Variants in NOX3 observed in about 807,000 individuals in gnomAD.
NOX3 encodes NADPH oxidase 3.
Under a neutral mutation model 76.7 loss-of-function variants are expected in NOX3, and 74 were observed. That is an observed-to-expected ratio of 0.96 (90% CI 0.80 to 1.17). The LOEUF is 1.17. Ranked by LOEUF, NOX3 falls within the 50% of genes most tolerant of loss-of-function variation. The pLI is 0.00. For missense variants in NOX3, 695 were observed against 703.3 expected (o/e 0.99, Z 0.13); for synonymous variants, 263 against 261.1 (o/e 1.01, Z -0.07).
intron 9 of NOX3, among the ~76,000 whole-genome samples, chr6:155,427,660 G>A (rs959299885): frequency 2.0e-5 from 3 of 152,162 alleles, no homozygotes; most frequent in African/African-American, 7.2e-5. Flanking sequence ...GGCAGAAGTA[G>A]GAATCTCTTG....
Position 155,428,964 on chromosome 6 carries a change from C to T in NOX3, c.975G>A (p.Val325=). ...FKMAPGQYIL[V]QCPAISSLEW... ...CCAGCGAAGATATGGCTGGGCACTG[C>T]ACCAAGATGTACTGCCCTGGCGCCA... Residue 325 remains valine (V), a synonymous_variant, in exon 9 of 14, where the codon GTG becomes GTA. Coordinates refer to ENST00000159060, the MANE Select transcript of NOX3 (RefSeq NM_015718.3). 6.2e-7 allele frequency: 1 copy of T among 1,614,052 alleles called. No individual in the cohort carries two copies. The highest frequency in any genetic ancestry group is 8.5e-7 in the Non-Finnish European group (1 of 1,179,952).
At chr6:155,428,058 AC>A (rs1776780107) in intron 9 of NOX3, among the ~76,000 whole-genome samples, 1 of 151,978 alleles carries the variant, frequency 6.6e-6, no homozygotes, top group African/African-American at 2.4e-5. Flanking sequence ...GTGCCACCAC[AC>A]CCGGCTAATT....
intron 12 of NOX3, among the ~76,000 whole-genome samples, chr6:155,402,063 T>C (rs967413271): frequency 3.9e-5 from 6 of 152,228 alleles, no homozygotes; most frequent in African/African-American, 1.4e-4. Context: ...ACGGTATTTT[T>C]ATTTTCATTC....
Position 155,453,434 on chromosome 6 carries a change from GT to G in NOX3, c.309del (p.Lys103AsnfsTer7). On this transcript the variant is annotated frameshift_variant, in exon 4 of 14. Coordinates refer to ENST00000159060, the MANE Select transcript of NOX3 (RefSeq NM_015718.3). LOFTEE classifies it high-confidence loss of function. ...TTAACAGCTATCCCATAGGCGACCA[GT>G]TTGTGAAATCTGAGGTTTTTGTCTA... ...RQLDKNLRFH[K>X]LVAYGIAVNA... 1 of 1,613,846 alleles carries G rather than the reference GT, an allele frequency of 6.2e-7. No homozygotes were observed. Among genetic ancestry groups the G allele is most frequent in the Non-Finnish European group, 8.5e-7 (1 of 1,179,732 alleles).
chr6:155,439,304 GA>G (rs1322556198), intron 6 of NOX3, among the ~76,000 whole-genome samples: 1 of 152,166 alleles, frequency 6.6e-6, no homozygotes, highest in Non-Finnish European at 1.5e-5. Flanking sequence ...TTAAAGGATT[GA>G]AAAGCATTAT....
At chr6:155,434,184 T>G (rs1776871904) in intron 7 of NOX3, among the ~76,000 whole-genome samples, 1 of 152,218 alleles carries the variant, frequency 6.6e-6, no homozygotes, top group African/African-American at 2.4e-5. Flanking sequence ...AGCAATGCAC[T>G]TAGGCACTCG....
intron 3 of NOX3, 82 bp downstream of exon 3, chr6:155,454,729 T>C (rs1312039104): frequency 1.2e-6 from 1 of 810,954 alleles, no homozygotes; most frequent in Admixed American, 3.2e-5. Flanking sequence ...GAGAATTTCA[T>C]AATAAAGTAC....
At chr6:155,428,655 C>A (rs1776790044) in intron 9 of NOX3, 139 bp downstream of exon 9, 11 of 591,532 alleles carry the variant, frequency 1.9e-5, no homozygotes, top group Non-Finnish European at 2.5e-5. Flanking sequence ...ATACTTTTTA[C>A]ACACATTCTC....
At chr6:155,422,149 A>G (rs976076110) in intron 10 of NOX3, among the ~76,000 whole-genome samples, 5 of 152,118 alleles carry the variant, frequency 3.3e-5, no homozygotes, top group South Asian at 2.1e-4. Context: ...TATCGGATGG[A>G]GTGTCTAGAT....
In NOX3 at chr6:155,407,134, G is replaced by T; in HGVS notation, c.1576C>A (p.Pro526Thr). 6.2e-7 allele frequency: 1 copy of T among 1,613,960 alleles called. No individual in the cohort carries two copies. The highest frequency in any genetic ancestry group is 8.5e-7 in the Non-Finnish European group (1 of 1,179,938). The change falls in exon 12 of 14, where the codon CCC becomes ACC. Residue 526 changes from proline (P) to threonine (T), a missense_variant. By Grantham distance (38) the Pro-to-Thr change is conservative. Coordinates refer to ENST00000159060, the MANE Select transcript of NOX3 (RefSeq NM_015718.3). ...NEFKQIAYNHPSSSIGVFFCG... is the reference protein window; with the variant it reads ...NEFKQIAYNHTSSSIGVFFCG... ...AGGAGCAAGAGCTTGCCTTACCTGG[G>T]GTGATTGTAGGCAATCTGCTTGAAC...
chr6:155,423,702 G>C (rs112971326), intron 9 of NOX3, among the ~76,000 whole-genome samples: 2,569 of 151,054 alleles, frequency 0.017, 74 homozygotes, highest in African/African-American at 0.052. Context: ...TTTTCCCTTG[G>C]AATAATCTTC....
intron 10 of NOX3, among the ~76,000 whole-genome samples, chr6:155,412,321 C>T (rs1020104737): frequency 4.6e-5 from 7 of 151,964 alleles, no homozygotes; most frequent in South Asian, 4.2e-4. Flanking sequence ...TGTAAGCTCA[C>T]GATCATATAA....
At chr6:155,417,355 G>A (rs886099867) in intron 10 of NOX3, among the ~76,000 whole-genome samples, 7 of 152,192 alleles carry the variant, frequency 4.6e-5, no homozygotes, top group Admixed American at 4.6e-4. Context: ...GAGGTGTTTA[G>A]TTTGGGGAGG....
chr6:155,416,827 T>C (rs193118780), intron 10 of NOX3, among the ~76,000 whole-genome samples: 1,718 of 144,134 alleles, frequency 0.012, 109 homozygotes, highest in Admixed American at 0.11. Context: ...CTCAGTTCAC[T>C]GCAACCTCCA....
intron 4 of NOX3, among the ~76,000 whole-genome samples, chr6:155,449,727 G>C (rs1415214785): frequency 6.6e-6 from 1 of 152,176 alleles, no homozygotes; most frequent in African/African-American, 2.4e-5. Flanking sequence ...ACAGGGGAAC[G>C]GATGAGAAAT....
At chr6:155,401,078 G>A (rs770365657) in intron 12 of NOX3, among the ~76,000 whole-genome samples, 8 of 152,124 alleles carry the variant, frequency 5.3e-5, no homozygotes, top group Non-Finnish European at 7.4e-5. Flanking sequence ...ATGCCTTCAT[G>A]CATAAGTAAC....
chr6:155,426,563 G>A (rs1776757068), intron 9 of NOX3, among the ~76,000 whole-genome samples: 1 of 152,190 alleles, frequency 6.6e-6, no homozygotes, highest in Non-Finnish European at 1.5e-5. Context: ...AAGGAAGAGA[G>A]GGAGCTGCCC....
chr6:155,441,825 A>G (rs531651888), intron 5 of NOX3, among the ~76,000 whole-genome samples: 1 of 152,218 alleles, frequency 6.6e-6, no homozygotes, highest in East Asian at 1.9e-4. Context: ...CCAGCGTCTT[A>G]GTGGGGAAAA....
At chr6:155,396,215 T>C (rs950283160) in intron 13 of NOX3, among the ~76,000 whole-genome samples, 2 of 152,220 alleles carry the variant, frequency 1.3e-5, no homozygotes, top group African/African-American at 2.4e-5. Context: ...TTTTCAAGTA[T>C]CTAAAGGATT....
Sources: gnomAD v4.1 joint callset for allele counts (sites outside exome capture counted in the v4.1 genomes callset) on GRCh38, gnomAD v4.1.1 for gene constraint, MANE v1.5 for transcripts, NCBI Gene and HGNC (gene_info 2026-07-23, HGNC 2026-07-21) for gene names.